The following PTPRG variants were observed in gnomAD, a reference collection of about 807,000 sequenced individuals.
The protein encoded by PTPRG is receptor-type tyrosine-protein phosphatase gamma.
In PTPRG, 102 loss-of-function variants were observed where a neutral mutation model predicts 165.3. That is an observed-to-expected ratio of 0.62 (90% CI 0.53 to 0.73). The LOEUF (loss-of-function observed/expected upper bound fraction) is 0.73, where lower values mean the gene tolerates loss of function less well. Ranked by LOEUF, PTPRG falls within the 30% of genes least tolerant of loss-of-function variation. PTPRG has a pLI of 0.00. For synonymous variants in PTPRG, 675 were observed against 669.5 expected (o/e 1.01, Z -0.13); for missense variants, 1,866 against 1,861.4 (o/e 1.00, Z -0.05).
At chr3:61,610,068 A>C (rs567978964) in intron 1 of PTPRG, among the ~76,000 whole-genome samples, 21 of 148,908 alleles carry the variant, frequency 1.4e-4, no homozygotes, top group African/African-American at 4.0e-4. Context: ...AGGAGTATGA[A>C]CTCCGATACC....
chr3:61,690,043 G>A (rs1296536299), intron 1 of PTPRG, among the ~76,000 whole-genome samples: 1 of 152,146 alleles, frequency 6.6e-6, no homozygotes, highest in Non-Finnish European at 1.5e-5. Context: ...AAGTCTCATT[G>A]TTTTTCCCAT....
At chr3:61,621,051 A>ATATATATATGTGTG in intron 1 of PTPRG, among the ~76,000 whole-genome samples, 41 of 117,996 alleles carry the variant, frequency 3.5e-4, no homozygotes, top group African/African-American at 1.1e-3. Context: ...ATATATATAT[A>ATATATATATGTGTG]TGTGTGTGTG....
intron 4 of PTPRG, among the ~76,000 whole-genome samples, chr3:62,065,597 T>TA (rs755645567): frequency 2.2e-4 from 33 of 152,228 alleles, no homozygotes; most frequent in Non-Finnish European, 4.1e-4. Flanking sequence ...ATAATAATAA[T>TA]AAAAAATCCC....
intron 2 of PTPRG, among the ~76,000 whole-genome samples, chr3:61,974,179 C>A (rs2040448269): frequency 6.6e-6 from 1 of 152,064 alleles, no homozygotes; most frequent in African/African-American, 2.4e-5. Context: ...TTAAATAGGG[C>A]AGACTGTCTT....
chr3:62,165,758 G>T (rs1413020748), intron 7 of PTPRG, among the ~76,000 whole-genome samples: 1 of 152,052 alleles, frequency 6.6e-6, no homozygotes, highest in East Asian at 1.9e-4. Flanking sequence ...AGAATGATAG[G>T]TGAATTCATA....
chr3:61,738,000 C>T (rs1453641149), intron 1 of PTPRG, among the ~76,000 whole-genome samples: 3 of 150,022 alleles, frequency 2.0e-5, no homozygotes, highest in Non-Finnish European at 4.4e-5. Flanking sequence ...GCTCCGCCTC[C>T]GGGGTTCACG....
chr3:61,788,120 T>G (rs879745130), intron 2 of PTPRG, among the ~76,000 whole-genome samples: 18 of 152,194 alleles, frequency 1.2e-4, no homozygotes, highest in Non-Finnish European at 2.4e-4. Context: ...CTTTTCCCAG[T>G]TTAAAAGTGA....
intron 2 of PTPRG, among the ~76,000 whole-genome samples, chr3:61,914,533 G>A (rs756681933): frequency 3.3e-5 from 5 of 152,126 alleles, no homozygotes; most frequent in Non-Finnish European, 7.4e-5. Context: ...TTGTTTTCAC[G>A]TTCCGAGTTT....
chr3:61,809,889 G>T (rs1299324782), intron 2 of PTPRG, among the ~76,000 whole-genome samples: 1 of 152,170 alleles, frequency 6.6e-6, no homozygotes, highest in Admixed American at 6.5e-5. Context: ...TGATTAAGCA[G>T]AACAGTTTTC....
At position 62,195,444 on chromosome 3, in the gene PTPRG, C is replaced by T. The variant is rs1488044212; in HGVS notation, c.1327+274C>T. Among the ~76,000 whole-genome samples the T allele has an allele frequency of 3.3e-5, 5 of 152,184 alleles. No homozygotes were observed. The highest frequency in any genetic ancestry group is 2.1e-4 in the South Asian group (1 of 4,832). ...GAACCAAGTACTCGGGCCTTTTTCT[C>T]GGTCACTGTCCAGCGCTGTGTCAGA... On this transcript the variant is annotated intron_variant, in intron 10 of 29. Coordinates refer to ENST00000474889, the MANE Select transcript of PTPRG (RefSeq NM_002841.4). The surrounding 1 kb of genome is among the most constrained non-coding windows in gnomAD (Gnocchi z 4.4).
rs370509808 is a variant in PTPRG, at chr3:61,845,914, T to C, written c.190+96932T>C. 1.8e-3 allele frequency among the ~76,000 whole-genome samples: 268 copies of C among 152,278 alleles called. 1 individual carries two copies. Among genetic ancestry groups the C allele is most frequent in the African/African-American group, 5.8e-3 (240 of 41,578 alleles). On this transcript the variant is annotated intron_variant, in intron 2 of 29. Transcript: ENST00000474889. ...TAAAAGGCACCTGCCAAATACCTGA[T>C]AGGTGCTTGGTGAAATGAACTGTCA...
chr3:61,963,453 G>A (rs781534530), intron 2 of PTPRG, among the ~76,000 whole-genome samples: 4 of 152,174 alleles, frequency 2.6e-5, no homozygotes, highest in Non-Finnish European at 5.9e-5. Context: ...GAATTAATAC[G>A]CATTTAGTGA....
intron 1 of PTPRG, among the ~76,000 whole-genome samples, chr3:61,566,424 C>T (rs1013190532): frequency 2.0e-5 from 3 of 152,240 alleles, no homozygotes; most frequent in Non-Finnish European, 4.4e-5. Flanking sequence ...ACTTCCTTGG[C>T]ATTCACGTGA....
intron 2 of PTPRG, among the ~76,000 whole-genome samples, chr3:61,763,301 G>T (rs2033913135): frequency 6.6e-6 from 1 of 151,792 alleles, no homozygotes; most frequent in Admixed American, 6.6e-5. Flanking sequence ...GCAGTGGCAT[G>T]ATCTTGGCTC....
At chr3:61,580,602 TG>T (rs1021182930) in intron 1 of PTPRG, among the ~76,000 whole-genome samples, 4 of 152,202 alleles carry the variant, frequency 2.6e-5, no homozygotes, top group African/African-American at 9.7e-5. Context: ...CCTAAAGTGC[TG>T]GGATTATAGG....
At chr3:62,186,586 A>T (rs1170050746) in intron 8 of PTPRG, among the ~76,000 whole-genome samples, 9 of 60,848 alleles carry the variant, frequency 1.5e-4, no homozygotes, top group Non-Finnish European at 2.1e-4. Context: ...TTTTTTTTTG[A>T]GATAGGGTCT....
chr3:61,973,447 C>T (rs1357882696), intron 2 of PTPRG, among the ~76,000 whole-genome samples: 1 of 152,174 alleles, frequency 6.6e-6, no homozygotes. Context: ...CTGTCTCCTG[C>T]TTACTGGCAA....
intron 1 of PTPRG, among the ~76,000 whole-genome samples, chr3:61,602,624 C>CT (rs1444200836): frequency 6.6e-6 from 1 of 152,178 alleles, no homozygotes; most frequent in African/African-American, 2.4e-5. Flanking sequence ...CAGACACTGT[C>CT]TATTACTATC....
chr3:62,009,808 G>A (rs2041375784), intron 4 of PTPRG, among the ~76,000 whole-genome samples: 1 of 152,126 alleles, frequency 6.6e-6, no homozygotes, highest in Non-Finnish European at 1.5e-5. Context: ...GGCCCACATG[G>A]ATCCTGAGCT....
Sources: allele counts gnomAD v4.1 joint callset (sites outside exome capture counted in the v4.1 genomes callset), GRCh38; gene constraint gnomAD v4.1.1; non-coding constraint Gnocchi (gnomAD v3.1); transcripts MANE v1.5; gene names NCBI Gene and HGNC (gene_info 2026-07-23, HGNC 2026-07-21).